The following NWD2 variants were observed in gnomAD, a reference collection of about 807,000 sequenced individuals.
NWD2 encodes NACHT and WD repeat domain-containing protein 2.
In NWD2, 37 loss-of-function variants were observed where a neutral mutation model predicts 132.7. That is an observed-to-expected ratio of 0.28 (90% CI 0.21 to 0.37). The LOEUF (loss-of-function observed/expected upper bound fraction) is 0.37, where lower values mean the gene tolerates loss of function less well. Among genes scored for constraint, NWD2 ranks in the 10% least tolerant of loss-of-function variants. The pLI, the probability that NWD2 is intolerant of heterozygous loss-of-function variation, is 1.00. For missense variants in NWD2, 1,592 were observed against 2,122.4 expected, an observed-to-expected ratio of 0.75 and a Z score of 4.91; for synonymous variants, 705 against 803.0, an observed-to-expected ratio of 0.88 and a Z score of 2.06.
At chr4:37,306,454 T>C (rs1023771641) in intron 1 of NWD2, among the ~76,000 whole-genome samples, 3 of 152,198 alleles carry the variant, frequency 2.0e-5, no homozygotes, top group Admixed American at 1.3e-4. Flanking sequence ...TAGGCATTTA[T>C]TGCTATGAAC....
At chr4:37,294,240 G>A (rs1180033945) in intron 1 of NWD2, among the ~76,000 whole-genome samples, 1 of 152,162 alleles carries the variant, frequency 6.6e-6, no homozygotes, top group Admixed American at 6.5e-5. Context: ...CATCGTTTGA[G>A]AATTAGGGTT....
chr4:37,446,434 G>A lies in NWD2; in HGVS notation c.4446G>A (p.Val1482=). The change falls in exon 7 of 7, where the codon GTG becomes GTA. Residue 1482 remains valine (V), a synonymous_variant. Coordinates refer to ENST00000309447, the MANE Select transcript of NWD2 (RefSeq NM_001144990.2). The surrounding 1 kb of genome is among the most constrained non-coding windows in gnomAD (Gnocchi z 6.7). ...GCTGTGAAGATGGGACCACCATCGT[G>A]AATTTTAAATTAATCCCTGACTGTC... ...KFCCEDGTTI[V]NFKLIPDCPD... 6.4e-7 allele frequency: 1 copy of A among 1,551,764 alleles called. No homozygotes were observed. The highest frequency in any genetic ancestry group is 8.7e-7 in the Non-Finnish European group (1 of 1,147,012).
At chr4:37,411,333 C>T (rs993156775) in intron 3 of NWD2, among the ~76,000 whole-genome samples, 2 of 152,168 alleles carry the variant, frequency 1.3e-5, no homozygotes, top group African/African-American at 4.8e-5. Flanking sequence ...ATACAAACTA[C>T]TATCGGAGAA....
At position 37,445,314 on chromosome 4, in the gene NWD2, A is replaced by T. The variant is rs532832006; in HGVS notation, c.3326A>T (p.Asp1109Val). The T allele has an allele frequency of 4.5e-6, 7 of 1,552,070 alleles. No homozygotes were observed. The highest frequency in any genetic ancestry group is 6.1e-6 in the Non-Finnish European group (7 of 1,147,088). The change falls in exon 7 of 7, where the codon GAT (aspartate) becomes GTT (valine). Residue 1109 changes from aspartate (D) to valine (V), a missense_variant. Coordinates refer to ENST00000309447, the MANE Select transcript of NWD2 (RefSeq NM_001144990.2). The surrounding 1 kb of genome is among the most constrained non-coding windows in gnomAD (Gnocchi z 4.7). ...YEVTCVQCSLDGLYAFCGQYL... is the reference protein window; with the variant it reads ...YEVTCVQCSLVGLYAFCGQYL... ...GTGACGTGCGTCCAGTGCTCCCTGGATGGTCTGTATGCTTTCTGTGGCCAA... is the reference window on the plus strand; with the variant it reads ...GTGACGTGCGTCCAGTGCTCCCTGGTTGGTCTGTATGCTTTCTGTGGCCAA...
chr4:37,435,826 A>G (rs986809434), intron 5 of NWD2, among the ~76,000 whole-genome samples: 1 of 152,188 alleles, frequency 6.6e-6, no homozygotes, highest in African/African-American at 2.4e-5. Flanking sequence ...CTGAAGATAT[A>G]CATGCTCATG....
At chr4:37,274,057 G>A (rs188198562) in intron 1 of NWD2, among the ~76,000 whole-genome samples, 2,263 of 151,690 alleles carry the variant, frequency 0.015, 57 homozygotes, top group African/African-American at 0.051. Flanking sequence ...AAAAGCTAGC[G>A]GAAGGCAAGA....
chr4:37,440,946 C>T (rs928919740), intron 6 of NWD2, among the ~76,000 whole-genome samples: 4 of 152,134 alleles, frequency 2.6e-5, no homozygotes, highest in African/African-American at 4.8e-5. Context: ...TTTAAGTTCA[C>T]GAATATTCTC....
At chr4:37,376,865 A>C (rs957691176) in intron 3 of NWD2, among the ~76,000 whole-genome samples, 5 of 152,146 alleles carry the variant, frequency 3.3e-5, no homozygotes, top group African/African-American at 1.2e-4. Context: ...GTGAATTCTC[A>C]GGAGGAATTT....
At chr4:37,395,135 C>A (rs1005807312) in intron 3 of NWD2, among the ~76,000 whole-genome samples, 2 of 151,984 alleles carry the variant, frequency 1.3e-5, no homozygotes, top group Non-Finnish European at 2.9e-5. Flanking sequence ...TGAGACCTCA[C>A]CCTCCTCCTA....
At chr4:37,377,405 T>C (rs115896972) in intron 3 of NWD2, among the ~76,000 whole-genome samples, 2,133 of 152,326 alleles carry the variant, frequency 0.014, 47 homozygotes, top group African/African-American at 0.049. Flanking sequence ...AATTTTTTTC[T>C]TATTATTTTC....
Position 37,444,061 on chromosome 4 carries a change from C to T in NWD2, c.2073C>T (p.Leu691=). The change falls in exon 7 of 7, where the codon CTC becomes CTT. Residue 691 remains leucine (L), a synonymous_variant. Transcript: ENST00000309447. This position sits in a 1 kb window ranked among gnomAD's most constrained non-coding sequence, Gnocchi z 4.8. The part of the protein sequence containing the change: ...LALDNSVMSE[L]KENTRPSNPL... ...TAGACAACAGTGTAATGAGTGAGCT[C>T]AAAGAAAACACCAGACCCAGCAATC... The T allele has an allele frequency of 6.4e-7, 1 of 1,551,730 alleles. No individual in the cohort carries two copies. Among genetic ancestry groups the T allele is most frequent in the Non-Finnish European group, 8.7e-7 (1 of 1,147,030 alleles).
intron 1 of NWD2, among the ~76,000 whole-genome samples, chr4:37,299,475 G>A (rs1017200076): frequency 4.0e-5 from 6 of 151,768 alleles, no homozygotes; most frequent in African/African-American, 1.5e-4. Flanking sequence ...TCCCCAATTT[G>A]GATCTCAAAA....
intron 1 of NWD2, among the ~76,000 whole-genome samples, chr4:37,293,602 A>G (rs947665056): frequency 2.0e-5 from 3 of 152,210 alleles, no homozygotes; most frequent in Non-Finnish European, 4.4e-5. Context: ...TTCCCTAGCC[A>G]CATACAGTAT....
intron 3 of NWD2, among the ~76,000 whole-genome samples, chr4:37,404,170 T>G (rs1720950260): frequency 6.6e-6 from 1 of 152,214 alleles, no homozygotes; most frequent in Non-Finnish European, 1.5e-5. Context: ...CATCTCCATT[T>G]TGCCATATAC....
In NWD2 at chr4:37,444,434, G is replaced by A; in HGVS notation, c.2446G>A (p.Val816Ile). ...FDRQAPDQPW[V>I]FQCNPLEPDI... The stretch of plus-strand genomic sequence containing the variant: ...CAGGCAGGCTCCAGACCAGCCCTGG[G>A]TTTTCCAGTGTAATCCCCTGGAACC... Residue 816 changes from valine (V) to isoleucine (I), a missense_variant, in exon 7 of 7, where the codon GTT becomes ATT. By Grantham distance (29) the Val-to-Ile change is conservative. Transcript: ENST00000309447. The surrounding 1 kb of genome is among the most constrained non-coding windows in gnomAD (Gnocchi z 4.8). 6.4e-7 allele frequency: 1 copy of A among 1,551,974 alleles called. No homozygotes were observed. Among genetic ancestry groups the A allele is most frequent in the African/African-American group, 1.4e-5 (1 of 73,120 alleles).
chr4:37,310,403 AC>A (rs1162825967), intron 1 of NWD2, among the ~76,000 whole-genome samples: 1 of 152,004 alleles, frequency 6.6e-6, no homozygotes, highest in African/African-American at 2.4e-5. Flanking sequence ...TTTCTAACTT[AC>A]CCCTCTTTCC....
At chr4:37,373,102 T>C (rs1024059874) in intron 3 of NWD2, among the ~76,000 whole-genome samples, 1 of 152,232 alleles carries the variant, frequency 6.6e-6, no homozygotes, top group Admixed American at 6.5e-5. Context: ...GCATTATGCA[T>C]GTGCCAGGTG....
chr4:37,284,750 G>T (rs1308039633), intron 1 of NWD2, among the ~76,000 whole-genome samples: 1 of 152,178 alleles, frequency 6.6e-6, no homozygotes, highest in East Asian at 1.9e-4. Flanking sequence ...TTCTCGGGAT[G>T]CTGTGATAGC....
At position 37,444,364 on chromosome 4, in the gene NWD2, T is replaced by G; in HGVS notation, c.2376T>G (p.Ser792Arg). The G allele has an allele frequency of 6.4e-7, 1 of 1,551,962 alleles. No homozygotes were observed. Among genetic ancestry groups the G allele is most frequent in the Non-Finnish European group, 8.7e-7 (1 of 1,147,084 alleles). Reference protein sequence around the residue: ...LNGCLDLENRSLLEEEKHFME... With the variant: ...LNGCLDLENRRLLEEEKHFME... ...GCTGCCTTGACTTGGAGAACAGAAGTTTGCTGGAGGAAGAAAAGCACTTCA... is the reference window on the plus strand; with the variant it reads ...GCTGCCTTGACTTGGAGAACAGAAGGTTGCTGGAGGAAGAAAAGCACTTCA... The change falls in exon 7 of 7, where the codon AGT becomes AGG. Residue 792 changes from serine (S) to arginine (R), a missense_variant. Coordinates refer to ENST00000309447, the MANE Select transcript of NWD2 (RefSeq NM_001144990.2). The surrounding 1 kb of genome is among the most constrained non-coding windows in gnomAD (Gnocchi z 4.8).
Sources: allele counts gnomAD v4.1 joint callset (sites outside exome capture counted in the v4.1 genomes callset), GRCh38; gene constraint gnomAD v4.1.1; non-coding constraint Gnocchi (gnomAD v3.1); transcripts MANE v1.5; gene names NCBI Gene and HGNC (gene_info 2026-07-23, HGNC 2026-07-21).